The following COG4 variants were observed in gnomAD, a reference collection of about 807,000 sequenced individuals.
COG4 encodes conserved oligomeric Golgi complex subunit 4.
COG4 carries 65 observed loss-of-function variants against 95.1 expected under a neutral mutation model. The observed-to-expected ratio is 0.68, with a 90% CI of 0.56 to 0.84. The LOEUF is 0.84. Among genes scored for constraint, COG4 ranks in the 40% least tolerant of loss-of-function variants. COG4 has a pLI of 0.00. For synonymous variants in COG4, 421 were observed against 374.8 expected, an observed-to-expected ratio of 1.12 and a Z score of -1.42; for missense variants, 1,045 against 989.1, an observed-to-expected ratio of 1.06 and a Z score of -0.76.
At position 70,481,368 on chromosome 16, in the gene COG4, A is replaced by T; in HGVS notation, c.2226T>A (p.Asn742Lys). 1 of 1,612,646 alleles carries T rather than the reference A, an allele frequency of 6.2e-7. No individual in the cohort carries two copies. Reference sequence around the variant, plus strand: ...AGGGTGCCCCACCTACCCGCTCCAGATTGAGGATGGTGGCCATCTGGGAGA... The same window carrying T: ...AGGGTGCCCCACCTACCCGCTCCAGTTTGAGGATGGTGGCCATCTGGGAGA... ...ARLSQMATIL[N>K]LERVTEILDY... Residue 742 changes from asparagine to lysine, a missense_variant, in exon 18 of 19, where the codon AAT becomes AAA. Coordinates refer to ENST00000323786, the MANE Select transcript of COG4 (RefSeq NM_015386.3).
At chr16:70,513,136 A>G (rs1317370844) in intron 4 of COG4, among the ~76,000 whole-genome samples, 1 of 152,222 alleles carries the variant, frequency 6.6e-6, no homozygotes, top group Non-Finnish European at 1.5e-5. Context: ...CATGAATAGA[A>G]GCAGAAAGAT....
chr16:70,523,270 T>C, intron 1 of COG4, 103 bp downstream of exon 1: 1 of 1,414,812 alleles, frequency 7.1e-7, no homozygotes, highest in Non-Finnish European at 1.0e-6. Flanking sequence ...CCCGCTTTTT[T>C]GTATCCCCCA....
chr16:70,496,298 C>T lies in COG4; in HGVS notation c.1615G>A (p.Glu539Lys), dbSNP rs765873830. ...GACATCTTCGCCTCGTCAGTACTCT[C>T]GATGCCTTTTGTGTCAAATTTGCCT... ...QQGKFDTKGI[E>K]STDEAKMSFL... Residue 539 changes from glutamate (E) to lysine (K), a missense_variant, in exon 12 of 19, where the codon GAG (glutamate) becomes AAG (lysine). Transcript: ENST00000323786. The T allele has an allele frequency of 4.3e-6, 7 of 1,614,068 alleles. No individual in the cohort carries two copies. The highest frequency in any genetic ancestry group is 3.3e-5 in the South Asian group (3 of 91,086).
rs1237385602 is a variant in COG4 at position 70,480,708 on chromosome 16, G to T, written c.*302C>A. 2 of 441,792 alleles carry T rather than the reference G, an allele frequency of 4.5e-6. No individual in the cohort carries two copies. The highest frequency in any genetic ancestry group is 8.4e-6 in the Non-Finnish European group (2 of 238,588). 27.4% of individuals were successfully genotyped at this position (441,792 alleles called of 1,614,324 possible). ...AGCTTGTTTGCTGTAGTGTTTGAGGGCAAGAGACTGACCATCCATGCAGAA... is the reference window on the plus strand; with the variant it reads ...AGCTTGTTTGCTGTAGTGTTTGAGGTCAAGAGACTGACCATCCATGCAGAA... On this transcript the variant is annotated 3_prime_UTR_variant, in exon 19 of 19. Transcript: ENST00000323786.
chr16:70,507,153 G>A (rs1023906336), intron 8 of COG4, among the ~76,000 whole-genome samples: 5 of 152,192 alleles, frequency 3.3e-5, no homozygotes, highest in Middle Eastern at 3.4e-3. Context: ...TGGGAGGATT[G>A]CTTGAGCCCA....
At chr16:70,496,458 T>C (rs200438500) in intron 11 of COG4, 27 bp from the exon 12 acceptor site, 434 of 1,613,160 alleles carry the variant, frequency 2.7e-4, no homozygotes, top group Non-Finnish European at 3.5e-4. Context: ...CATAGAGGAA[T>C]TGACAGTGCT....
rs2049335240 is a variant in COG4, at chr16:70,496,197, G to A, written c.1647+69C>T. The A allele has an allele frequency of 4.5e-6, 7 of 1,539,868 alleles. No individual in the cohort carries two copies. In the Admixed American group the frequency reaches 8.4e-5, roughly 19 times the overall value. ...TCTCTAGCTAGAGGCCAATTATACTGTGGCTTAGCAGTGATAGCGTAACCT... is the reference window on the plus strand; with the variant it reads ...TCTCTAGCTAGAGGCCAATTATACTATGGCTTAGCAGTGATAGCGTAACCT... On this transcript the variant is annotated intron_variant, in intron 12 of 18. Coordinates refer to ENST00000323786, the MANE Select transcript of COG4 (RefSeq NM_015386.3).
chr16:70,519,548 A>G (rs1201269403), intron 2 of COG4, 101 bp downstream of exon 2: 2 of 800,044 alleles, frequency 2.5e-6, no homozygotes, highest in Non-Finnish European at 4.3e-6. Context: ...TTACATTTCA[A>G]GCTGAACTGG....
chr16:70,514,557 A>T, intron 3 of COG4, 48 bp from the exon 4 acceptor site: 1 of 1,549,222 alleles, frequency 6.5e-7, no homozygotes, highest in South Asian at 1.1e-5. Context: ...TCTTTCAAAA[A>T]CACCCCTCAA....
intron 5 of COG4, among the ~76,000 whole-genome samples, chr16:70,510,952 A>C (rs1277683633): frequency 6.6e-6 from 1 of 152,124 alleles, no homozygotes; most frequent in Non-Finnish European, 1.5e-5. Flanking sequence ...TTTAGTAGAC[A>C]CAGGGTTTCA....
chr16:70,509,431 C>T (rs746718840), intron 6 of COG4, 43 bp from the exon 7 acceptor site: 1 of 1,611,196 alleles, frequency 6.2e-7, no homozygotes, highest in Non-Finnish European at 8.5e-7. Context: ...AAGTATTCTT[C>T]CTACAAAATA....
intron 12 of COG4, among the ~76,000 whole-genome samples, chr16:70,494,612 G>T (rs1171943249): frequency 1.3e-5 from 2 of 152,134 alleles, no homozygotes; most frequent in Admixed American, 6.6e-5. Flanking sequence ...GTAGTCAAGT[G>T]GTGGAAAACG....
rs200123099 is a variant in COG4 at position 70,501,515 on chromosome 16, C to T, written c.1062-424G>A. The stretch of plus-strand genomic sequence containing the variant: ...GACTACAGGTGCCCACCACCATGCC[C>T]GGCTAATTTTTTGTATTTTTAGTAG... On this transcript the variant is annotated intron_variant, in intron 8 of 18. Coordinates refer to ENST00000323786, the MANE Select transcript of COG4 (RefSeq NM_015386.3). 22 of 203,918 alleles carry T rather than the reference C, an allele frequency of 1.1e-4. No homozygotes were observed. In the East Asian group the frequency reaches 1.6e-3, roughly 15 times the overall value. The allele number at this position is 203,918 out of a possible 1,614,324, so 12.6% of individuals were successfully genotyped here.
intron 5 of COG4, among the ~76,000 whole-genome samples, chr16:70,511,825 G>A (rs886130122): frequency 6.6e-6 from 1 of 152,146 alleles, no homozygotes; most frequent in East Asian, 1.9e-4. Flanking sequence ...CCAGCTACTC[G>A]GGAGGCTGAG....
rs953223373 is a variant in COG4, at chr16:70,486,228, G to A, written c.1711-2259C>T. 8.5e-5 allele frequency among the ~76,000 whole-genome samples: 13 copies of A among 152,254 alleles called. No homozygotes were observed. The East Asian group carries it at 1.7e-3, about 20-fold the overall frequency. On this transcript the variant is annotated intron_variant, in intron 13 of 18. Transcript: ENST00000323786. Reference sequence around the variant, plus strand: ...CTGTTTCTAATCACCACACTACAGCGTAGGTGTAGAGACCTCTCCAGGGGG... The same window carrying A: ...CTGTTTCTAATCACCACACTACAGCATAGGTGTAGAGACCTCTCCAGGGGG...
At chr16:70,520,410 G>A (rs1180647522) in intron 1 of COG4, among the ~76,000 whole-genome samples, 1 of 116,284 alleles carries the variant, frequency 8.6e-6, no homozygotes, top group East Asian at 3.0e-4. Context: ...AGTGAGCCGA[G>A]ATCATGCCAC....
At chr16:70,490,267 A>G (rs1312346000) in intron 13 of COG4, 63 bp downstream of exon 13, 12 of 1,296,084 alleles carry the variant, frequency 9.3e-6, no homozygotes, top group Non-Finnish European at 1.3e-5. Flanking sequence ...ATGTTTGTAT[A>G]GGGCTCTATC....
Position 70,512,288 on chromosome 16 carries a change from C to G in COG4, c.689G>C (p.Gly230Ala). Reference sequence around the variant, plus strand: ...CTTTCTTAATCCCTCCTCATGCAAACCCAGCAGTGGGAAGATCTTGAAGAA... The same window carrying G: ...CTTTCTTAATCCCTCCTCATGCAAAGCCAGCAGTGGGAAGATCTTGAAGAA... ...ERFFKIFPLL[G>A]LHEEGLRKFS... Residue 230 changes from glycine (G) to alanine (A), a missense_variant, in exon 5 of 19, where the codon GGT (glycine) becomes GCT (alanine). Gly to Ala is a moderately conservative substitution (Grantham distance 60). Coordinates refer to ENST00000323786, the MANE Select transcript of COG4 (RefSeq NM_015386.3). 1 of 1,614,176 alleles carries G rather than the reference C, an allele frequency of 6.2e-7. No homozygotes were observed. The highest frequency in any genetic ancestry group is 8.5e-7 in the Non-Finnish European group (1 of 1,180,038).
At position 70,496,258 on chromosome 16, in the gene COG4, G is replaced by GT. The variant is rs745586634; in HGVS notation, c.1647+7dup. The GT allele has an allele frequency of 6.2e-6, 10 of 1,614,116 alleles. No individual in the cohort carries two copies. Among genetic ancestry groups the GT allele is most frequent in the Non-Finnish European group, 8.5e-6 (10 of 1,180,002 alleles). On this transcript the variant is annotated splice_region_variant and intron_variant, in intron 12 of 18. Transcript: ENST00000323786. Reference sequence around the variant, plus strand: ...ACCAACCCAGCTCGTGAGCTGTGGGGTACCTACCAGGAAGGACATCTTCGC... The same window carrying GT: ...ACCAACCCAGCTCGTGAGCTGTGGGGTTACCTACCAGGAAGGACATCTTCGC...
Sources: gnomAD v4.1 joint callset for allele counts (sites outside exome capture counted in the v4.1 genomes callset) on GRCh38, gnomAD v4.1.1 for gene constraint, MANE v1.5 for transcripts, NCBI Gene and HGNC (gene_info 2026-07-23, HGNC 2026-07-21) for gene names.